The following ZNF549 variants were observed in gnomAD, a reference collection of about 807,000 sequenced individuals.
ZNF549 encodes the protein zinc finger protein 549.
ZNF549 carries 11 observed loss-of-function variants against 11.1 expected under a neutral mutation model. The ratio of observed to expected loss-of-function variants is 0.99; its 90% CI spans 0.62 to 1.64. The LOEUF is 1.64. Ranked by LOEUF, ZNF549 falls within the 40% of genes most tolerant of loss-of-function variation. The pLI, the probability that ZNF549 is intolerant of heterozygous loss-of-function variation, is 0.00. For missense variants in ZNF549, 748 were observed against 765.1 expected (o/e 0.98, Z 0.26); for synonymous variants, 266 against 269.1 (o/e 0.99, Z 0.11).
chr19:57,538,759 T>A lies in ZNF549; in HGVS notation c.1755T>A (p.Tyr585Ter). Residue 585 changes from tyrosine to a stop codon, truncating the protein, a stop_gained, in exon 4 of 4, where the codon TAT (tyrosine) becomes TAA (stop). Transcript: ENST00000376233. LOFTEE classifies it low-confidence loss of function (END_TRUNC). ...AAGTTCACAGTGGAGAGAGGCCTTA[T>A]AACTGCACTGCATGTGAGAAGGCCT... ...HQKVHSGERP[Y>*]NCTACEKAFI... 1 of 1,614,226 alleles carries A rather than the reference T, an allele frequency of 6.2e-7. No individual in the cohort carries two copies. The highest frequency in any genetic ancestry group is 8.5e-7 in the Non-Finnish European group (1 of 1,180,044).
rs200419451 is a variant in ZNF549, at chr19:57,537,750, G to T, written c.746G>T (p.Arg249Leu). Residue 249 changes from arginine (R) to leucine (L), a missense_variant, in exon 4 of 4, where the codon CGT (arginine) becomes CTT (leucine). Coordinates refer to ENST00000376233, the MANE Select transcript of ZNF549 (RefSeq NM_001199295.2). ...CACACTGGAGAAAAAGCTTATAAGC[G>T]TAGGGAATATGGGAAATCCTTGAAC... ...RVHTGEKAYK[R>L]REYGKSLNSK... is the part of the protein sequence containing the mutation. 5.6e-6 allele frequency: 9 copies of T among 1,614,172 alleles called. No homozygotes were observed. The Admixed American group carries it at 6.7e-5, about 12-fold the overall frequency.
At position 57,539,100 on chromosome 19, in the gene ZNF549, A is replaced by G. The variant is rs907162278; in HGVS notation, c.*173A>G. Reference sequence around the variant, plus strand: ...TTTCTAGAGATTACTTGTACTTTCTAATCTGCCCAGTGTTACAACAGACAC... The same window carrying G: ...TTTCTAGAGATTACTTGTACTTTCTGATCTGCCCAGTGTTACAACAGACAC... On this transcript the variant is annotated 3_prime_UTR_variant, in exon 4 of 4. Transcript: ENST00000376233. 1.1e-5 allele frequency: 8 copies of G among 700,952 alleles called. No homozygotes were observed. In the African/African-American group the frequency reaches 1.3e-4, roughly 11 times the overall value. 43.4% of individuals were successfully genotyped at this position (700,952 alleles called of 1,614,324 possible). A position where few individuals can be genotyped will look rare whatever the true frequency, so the allele number is the denominator to read the frequency against.
At chr19:57,534,395 T>C (rs2123313151) in intron 2 of ZNF549, among the ~76,000 whole-genome samples, 1 of 152,324 alleles carries the variant, frequency 6.6e-6, no homozygotes, top group South Asian at 2.1e-4. Flanking sequence ...CTTTTGTTGG[T>C]AACTCTTGGT....
At chr19:57,530,029 G>A (rs1279392624) in intron 1 of ZNF549, among the ~76,000 whole-genome samples, 2 of 152,114 alleles carry the variant, frequency 1.3e-5, no homozygotes, top group Non-Finnish European at 2.9e-5. Context: ...TTTTCACACT[G>A]AAGTTGAGTG....
chr19:57,528,288 G>T (rs1393008793), intron 1 of ZNF549, among the ~76,000 whole-genome samples: 1 of 152,176 alleles, frequency 6.6e-6, no homozygotes, highest in Non-Finnish European at 1.5e-5. Flanking sequence ...AATCTGGTGA[G>T]GGAGCAGGTT....
intron 3 of ZNF549, chr19:57,535,506 A>G (rs2089920731): frequency 4.2e-6 from 2 of 475,376 alleles, no homozygotes; most frequent in Non-Finnish European, 3.7e-6. Flanking sequence ...AACTTGCCCA[A>G]CCGACACCAC....
rs1568590464 is a variant in ZNF549, at chr19:57,537,496, G to T, written c.492G>T (p.Glu164Asp). Residue 164 changes from glutamate (E) to aspartate (D), a missense_variant, in exon 4 of 4, where the codon GAG becomes GAT. Physicochemically the swap from Glu to Asp is conservative, Grantham distance 45 (BLOSUM62 2). Coordinates refer to ENST00000376233, the MANE Select transcript of ZNF549 (RefSeq NM_001199295.2). ...DSGEKHIRKEESSALLLNSCK... is the reference protein window; with the variant it reads ...DSGEKHIRKEDSSALLLNSCK... ...GAGAGAAACACATCAGAAAGGAGGA[G>T]AGCAGTGCCTTGCTTCTGAATAGCT... is the stretch of plus-strand genomic sequence containing the variant. 6.2e-7 allele frequency: 1 copy of T among 1,614,204 alleles called. No individual in the cohort carries two copies. The highest frequency in any genetic ancestry group is 1.7e-5 in the Admixed American group (1 of 60,032).
rs1233849062 is a variant in ZNF549, at chr19:57,537,973, G to A, written c.969G>A (p.Gln323=). 3 of 1,614,138 alleles carry A rather than the reference G, an allele frequency of 1.9e-6. No homozygotes were observed. The East Asian group carries it at 6.7e-5, about 36-fold the overall frequency. ...LSSKYSLVEH[Q]RTHNGEKPYV... ...CCAAATACTCACTTGTGGAACACCA[G>A]AGAACCCATAATGGAGAAAAGCCTT... Residue 323 remains glutamine (Q), a synonymous_variant, in exon 4 of 4, where the codon CAG becomes CAA. Transcript: ENST00000376233.
At chr19:57,532,000 G>A (rs1239135643) in intron 2 of ZNF549, among the ~76,000 whole-genome samples, 7 of 152,178 alleles carry the variant, frequency 4.6e-5, no homozygotes, top group African/African-American at 1.2e-4. Context: ...GCACCGCTTC[G>A]ACTGCATCTC....
rs564734578 is a variant in ZNF549, at chr19:57,527,437, C to T, written c.-137C>T. On this transcript the variant is annotated 5_prime_UTR_variant, in exon 1 of 4. Coordinates refer to ENST00000376233, the MANE Select transcript of ZNF549 (RefSeq NM_001199295.2). ...GGGCCAGGTAACTGGAGCCGGAAAC[C>T]GGTGGAGGTGGTGTCCGCCCGCAGA... 100 of 1,247,646 alleles carry T rather than the reference C, an allele frequency of 8.0e-5. 1 individual carries two copies. The African/African-American group carries it at 1.4e-3, about 18-fold the overall frequency. The allele number at this position is 1,247,646 out of a possible 1,614,324, so 77.3% of individuals were successfully genotyped here.
intron 2 of ZNF549, among the ~76,000 whole-genome samples, chr19:57,532,327 T>C (rs2089907597): frequency 6.6e-6 from 1 of 152,070 alleles, no homozygotes; most frequent in Admixed American, 6.6e-5. Context: ...GCATAAAGGA[T>C]TTATTATATT....
In ZNF549 at chr19:57,527,433, A is replaced by G. The variant is rs541500250; in HGVS notation, c.-141A>G. 1.1e-4 allele frequency: 131 copies of G among 1,223,674 alleles called. 1 individual carries two copies. In the African/African-American group the frequency reaches 1.7e-3, roughly 16 times the overall value. The allele number at this position is 1,223,674 out of a possible 1,614,324, so 75.8% of individuals were successfully genotyped here. A position where few individuals can be genotyped will look rare whatever the true frequency, so the allele number is the denominator to read the frequency against. ...GTCCGGGCCAGGTAACTGGAGCCGG[A>G]AACCGGTGGAGGTGGTGTCCGCCCG... On this transcript the variant is annotated 5_prime_UTR_variant, in exon 1 of 4. Coordinates refer to ENST00000376233, the MANE Select transcript of ZNF549 (RefSeq NM_001199295.2).
At chr19:57,536,846 TG>T (rs935875254) in intron 3 of ZNF549, among the ~76,000 whole-genome samples, 2 of 152,162 alleles carry the variant, frequency 1.3e-5, no homozygotes, top group African/African-American at 4.8e-5. Context: ...TCCTAGCACT[TG>T]GGGAAGCTGA....
In ZNF549 at chr19:57,538,060, G is replaced by A. The variant is rs758591865; in HGVS notation, c.1056G>A (p.Gln352=). Reference sequence around the variant, plus strand: ...AACAAACATTTGTTGGCCATCAGCAGAGAATCCACACTGGAGAGAGGCCTT... The same window carrying A: ...AACAAACATTTGTTGGCCATCAGCAAAGAATCCACACTGGAGAGAGGCCTT... ...RHKQTFVGHQ[Q]RIHTGERPYV... The change falls in exon 4 of 4, where the codon CAG becomes CAA. Residue 352 remains glutamine (Q), a synonymous_variant. Transcript: ENST00000376233. The A allele has an allele frequency of 2.1e-5, 34 of 1,614,128 alleles. No individual in the cohort carries two copies. In the South Asian group the frequency reaches 3.7e-4, roughly 18 times the overall value.
rs765865150 is a variant in ZNF549 at position 57,527,644 on chromosome 19, AG to A, written c.33+40del. The A allele has an allele frequency of 3.1e-6, 5 of 1,608,818 alleles. No homozygotes were observed. In the African/African-American group the frequency reaches 6.7e-5, roughly 22 times the overall value. On this transcript the variant is annotated intron_variant, in intron 1 of 3. Coordinates refer to ENST00000376233, the MANE Select transcript of ZNF549 (RefSeq NM_001199295.2). The stretch of plus-strand genomic sequence containing the variant: ...TCCTCGGATCCTCACCTGGGTCCTG[AG>A]GCCCCGGACTGGGGTCACCTGCGTG...
chr19:57,530,325 C>T (rs554212654), intron 1 of ZNF549, among the ~76,000 whole-genome samples: 19 of 152,190 alleles, frequency 1.2e-4, no homozygotes, highest in South Asian at 6.2e-4. Context: ...GGGAGAGTGA[C>T]GTAAGAGAGC....
In ZNF549 at chr19:57,538,081, G is replaced by T. The variant is rs1166500741; in HGVS notation, c.1077G>T (p.Arg359Ser). ...GHQQRIHTGE[R>S]PYVCMECGKS... ...AGCAGAGAATCCACACTGGAGAGAG[G>T]CCTTATGTGTGTATGGAATGTGGGA... Residue 359 changes from arginine to serine, a missense_variant, in exon 4 of 4, where the codon AGG becomes AGT. Transcript: ENST00000376233. 1 of 1,614,102 alleles carries T rather than the reference G, an allele frequency of 6.2e-7. No individual in the cohort carries two copies. Among genetic ancestry groups the T allele is most frequent in the South Asian group, 1.1e-5 (1 of 91,084 alleles).
At position 57,538,955 on chromosome 19, in the gene ZNF549, T is replaced by A; in HGVS notation, c.*28T>A. On this transcript the variant is annotated 3_prime_UTR_variant, in exon 4 of 4. Coordinates refer to ENST00000376233, the MANE Select transcript of ZNF549 (RefSeq NM_001199295.2). ...ATTGTTGGGATGTGTAATTGTCTTA[T>A]TCACTGTAGGACACCAGAGAGCTGA... is the stretch of plus-strand genomic sequence containing the variant. The A allele has an allele frequency of 6.3e-7, 1 of 1,576,018 alleles. No individual in the cohort carries two copies. The highest frequency in any genetic ancestry group is 8.6e-7 in the Non-Finnish European group (1 of 1,167,142).
chr19:57,527,857 G>A (rs952587157), intron 1 of ZNF549, among the ~76,000 whole-genome samples: 8 of 152,212 alleles, frequency 5.3e-5, no homozygotes, highest in African/African-American at 1.9e-4. Flanking sequence ...TGTCTGCAGG[G>A]AGCAGAGAGA....
Sources: gnomAD v4.1 joint callset for allele counts (sites outside exome capture counted in the v4.1 genomes callset) on GRCh38, gnomAD v4.1.1 for gene constraint, MANE v1.5 for transcripts, NCBI Gene and HGNC (gene_info 2026-07-23, HGNC 2026-07-21) for gene names.